Variants in ROBO2 observed in about 807,000 individuals in gnomAD.
ROBO2 encodes the protein roundabout guidance receptor 2.
In ROBO2, 53 loss-of-function variants were observed where a neutral mutation model predicts 160.8. That is an observed-to-expected ratio of 0.33 (90% CI 0.26 to 0.41). The LOEUF is 0.41. ROBO2 is among the 10% of genes least tolerant of loss of function. The pLI is 1.00. For synonymous variants in ROBO2, 664 were observed against 611.7 expected, an observed-to-expected ratio of 1.09 and a Z score of -1.26; for missense variants, 1,577 against 1,722.4, an observed-to-expected ratio of 0.92 and a Z score of 1.49.
At position 76,049,401 on chromosome 3, in the gene ROBO2, A is replaced by ATTTTTTTTT. The variant is rs1306305555; in HGVS notation, c.109+111800_109+111801insTTTTTTTTT. ...AATTTTAGTATATATATATATATAT[A>ATTTTTTTTT]TATTTTTTTTTTTTTTTTTTTTTGT... On this transcript the variant is annotated intron_variant, in intron 2 of 26. Coordinates refer to the ROBO2 transcript ENST00000487694. Among the ~76,000 whole-genome samples the ATTTTTTTTT allele has an allele frequency of 7.1e-3, 453 of 63,436 alleles. 12 individuals are homozygous for ATTTTTTTTT. Among genetic ancestry groups the ATTTTTTTTT allele is most frequent in the Non-Finnish European group, 8.6e-3 (345 of 40,164 alleles). The allele number at this position is 63,436 out of a possible 152,430, so 41.6% of individuals were successfully genotyped here.
intron 2 of ROBO2, among the ~76,000 whole-genome samples, chr3:77,206,805 T>G (rs2083503096): frequency 6.6e-6 from 1 of 152,196 alleles, no homozygotes; most frequent in South Asian, 2.1e-4. Context: ...AACGTTGCAA[T>G]ATTCTTGAAT....
At chr3:77,355,133 C>T (rs1336713461) in intron 2 of ROBO2, among the ~76,000 whole-genome samples, 1 of 150,498 alleles carries the variant, frequency 6.6e-6, no homozygotes, top group Non-Finnish European at 1.5e-5. Context: ...ATCCCCATAC[C>T]CTAGGAGCTC....
chr3:77,134,291 T>C (rs1579277169), intron 2 of ROBO2, among the ~76,000 whole-genome samples: 2 of 152,238 alleles, frequency 1.3e-5, no homozygotes, highest in African/African-American at 4.8e-5. Context: ...AGGTAAGCTT[T>C]TAAAAACCGA....
At chr3:77,337,782 A>G (rs1051013276) in intron 2 of ROBO2, among the ~76,000 whole-genome samples, 6 of 152,166 alleles carry the variant, frequency 3.9e-5, no homozygotes, top group African/African-American at 7.2e-5. Flanking sequence ...CATTGCAAAA[A>G]TTAGGGAAGA....
intron 2 of ROBO2, among the ~76,000 whole-genome samples, chr3:76,336,139 T>C (rs1353173115): frequency 6.6e-6 from 1 of 152,192 alleles, no homozygotes; most frequent in African/African-American, 2.4e-5. Context: ...TTCTGTGTTA[T>C]TGATATACAG....
intron 2 of ROBO2, among the ~76,000 whole-genome samples, chr3:77,329,636 T>C (rs1258746231): frequency 1.3e-5 from 2 of 152,214 alleles, no homozygotes; most frequent in Admixed American, 1.3e-4. Context: ...GGATAATTAA[T>C]TCTCCTTAAT....
intron 2 of ROBO2, among the ~76,000 whole-genome samples, chr3:77,302,741 T>G (rs56870653): frequency 0.36 from 55,070 of 151,960 alleles, 10,309 homozygotes; most frequent in Middle Eastern, 0.5. Flanking sequence ...AAAGATAGAA[T>G]AATGCATTAA....
rs921140829 is a variant in ROBO2 at position 76,811,849 on chromosome 3, C to A, written c.110-286165C>A. ...TCCTTCCTTCCTTCTTTCCTTCCTT[C>A]CTTCCTTCCTTCCTTCCTTCCTTCC... On this transcript the variant is annotated intron_variant, in intron 2 of 26. Coordinates refer to the ROBO2 transcript ENST00000487694. Among the ~76,000 whole-genome samples, 38 of 131,004 alleles carry A rather than the reference C, an allele frequency of 2.9e-4. 1 individual carries two copies. In the South Asian group the frequency reaches 9.1e-3, roughly 31 times the overall value. 85.9% of individuals were successfully genotyped at this position (131,004 alleles called of 152,430 possible). A position where few individuals can be genotyped will look rare whatever the true frequency, so the allele number is the denominator to read the frequency against.
chr3:77,002,385 CTTATA>C (rs901371292), intron 2 of ROBO2, among the ~76,000 whole-genome samples: 1 of 151,574 alleles, frequency 6.6e-6, no homozygotes, highest in African/African-American at 2.4e-5. Flanking sequence ...AAGGGTGTGA[CTTATA>C]TTGATAATAC....
intron 2 of ROBO2, among the ~76,000 whole-genome samples, chr3:77,297,421 C>T: frequency 6.6e-6 from 1 of 151,964 alleles, no homozygotes; most frequent in East Asian, 1.9e-4. Flanking sequence ...TTTTTGAAAA[C>T]GAGGGGAAGT....
chr3:76,335,708 G>A (rs1456583948), intron 2 of ROBO2, among the ~76,000 whole-genome samples: 2 of 151,884 alleles, frequency 1.3e-5, no homozygotes, highest in Admixed American at 6.6e-5. Context: ...CTCCCGAGCA[G>A]CTGGGACTAC....
At chr3:76,817,812 G>A (rs997226853) in intron 2 of ROBO2, among the ~76,000 whole-genome samples, 1 of 146,320 alleles carries the variant, frequency 6.8e-6, no homozygotes, top group African/African-American at 2.5e-5. Context: ...TAATGCAAAT[G>A]CCATTATTTC....
intron 2 of ROBO2, among the ~76,000 whole-genome samples, chr3:76,289,838 C>G (rs778860930): frequency 3.9e-5 from 6 of 152,016 alleles, no homozygotes; most frequent in Non-Finnish European, 8.8e-5. Context: ...CTAACTTGTT[C>G]CATTAGTCAA....
At position 77,461,339 on chromosome 3, in the gene ROBO2, A is replaced by G. The variant is rs967722183; in HGVS notation, c.389-16075A>G. On this transcript the variant is annotated intron_variant, in intron 2 of 25. Coordinates refer to ENST00000461745, the Ensembl canonical transcript of ROBO2. Reference sequence around the variant, plus strand: ...ATGAATTTTAACTAACATTTTAATGAGCCAACATTATTATAGATCCAAGGA... The same window carrying G: ...ATGAATTTTAACTAACATTTTAATGGGCCAACATTATTATAGATCCAAGGA... 2.6e-5 allele frequency among the ~76,000 whole-genome samples: 4 copies of G among 152,014 alleles called. No homozygotes were observed. In the South Asian group the frequency reaches 8.3e-4, roughly 31 times the overall value.
At chr3:77,279,984 T>C (rs114872641) in intron 2 of ROBO2, among the ~76,000 whole-genome samples, 1,560 of 152,278 alleles carry the variant, frequency 0.01, 23 homozygotes, top group African/African-American at 0.036. Flanking sequence ...TAAAGTATAT[T>C]TTCTTAACAA....
intron 24 of ROBO2, among the ~76,000 whole-genome samples, chr3:77,639,150 G>A (rs1249110262): frequency 1.3e-5 from 2 of 151,946 alleles, no homozygotes; most frequent in Admixed American, 6.6e-5. Flanking sequence ...AGTTCTTAAT[G>A]TCCTGTTCAG....
chr3:77,326,291 T>G (rs1456041022), intron 2 of ROBO2, among the ~76,000 whole-genome samples: 2 of 152,196 alleles, frequency 1.3e-5, no homozygotes, highest in East Asian at 3.9e-4. Flanking sequence ...TGATTAATAA[T>G]CTCAGTAGTA....
At chr3:77,205,261 G>A (rs761576164) in intron 2 of ROBO2, among the ~76,000 whole-genome samples, 26 of 152,032 alleles carry the variant, frequency 1.7e-4, no homozygotes, top group Non-Finnish European at 3.5e-4. Context: ...TTGAGTGGCG[G>A]AGGTAGCTCT....
chr3:77,127,220 T>G (rs912107077), intron 2 of ROBO2, among the ~76,000 whole-genome samples: 1 of 152,150 alleles, frequency 6.6e-6, no homozygotes, highest in Non-Finnish European at 1.5e-5. Flanking sequence ...AGGAGCACCT[T>G]TTTTGTTTCA....
Sources: allele counts gnomAD v4.1 joint callset (sites outside exome capture counted in the v4.1 genomes callset), GRCh38; gene constraint gnomAD v4.1.1; transcripts MANE v1.5; gene names NCBI Gene and HGNC (gene_info 2026-07-23, HGNC 2026-07-21).